The following RIPOR2 variants were observed in gnomAD, a reference collection of about 807,000 sequenced individuals.
The protein encoded by RIPOR2 is rho family-interacting cell polarization regulator 2.
A neutral mutation model predicts 114.5 loss-of-function variants in RIPOR2; 39 were observed. That is an observed-to-expected ratio of 0.34 (90% confidence interval 0.26 to 0.44). The LOEUF is 0.44. Ranked by LOEUF, RIPOR2 falls within the 20% of genes least tolerant of loss-of-function variation. The probability of loss-of-function intolerance (pLI) is 1.00; values close to 1 mark genes in which losing one functional copy is unlikely to be tolerated. For synonymous variants in RIPOR2, 445 were observed against 484.4 expected (o/e 0.92, Z 1.07); for missense variants, 1,007 against 1,255.1 (o/e 0.80, Z 2.99).
chr6:24,880,653 A>C (rs1766255398), intron 1 of RIPOR2, among the ~76,000 whole-genome samples: 1 of 152,236 alleles, frequency 6.6e-6, no homozygotes, highest in Non-Finnish European at 1.5e-5. Flanking sequence ...TGTATTTATA[A>C]AATTGTTTAT....
Position 24,976,781 on chromosome 6 carries a change from A to G in RIPOR2, c.76+65070T>C, listed in dbSNP as rs184494797. On this transcript the variant is annotated intron_variant, in intron 1 of 13. Transcript: ENST00000510784. ...GCATACAGGTCCTGAAATCTTGTCC[A>G]TGGCAAATGCTGGACCCAACACAAA... 107 of 1,611,798 alleles carry G rather than the reference A, an allele frequency of 6.6e-5. No individual in the cohort carries two copies. The East Asian group carries it at 2.3e-3, about 35-fold the overall frequency.
At chr6:25,001,315 A>C (rs55722136) in intron 1 of RIPOR2, among the ~76,000 whole-genome samples, 1 of 152,302 alleles carries the variant, frequency 6.6e-6, no homozygotes, top group Non-Finnish European at 1.5e-5. Flanking sequence ...AGGGGTTAGC[A>C]AACTTTTTCT....
intron 1 of RIPOR2, among the ~76,000 whole-genome samples, chr6:25,033,102 G>A (rs1041470208): frequency 2.6e-5 from 4 of 152,138 alleles, no homozygotes; most frequent in Non-Finnish European, 1.5e-5. Flanking sequence ...TGCTTGGGAG[G>A]CTGAGGTAGG....
intron 1 of RIPOR2, among the ~76,000 whole-genome samples, chr6:24,979,205 C>T (rs969791186): frequency 3.1e-4 from 47 of 151,868 alleles, no homozygotes; most frequent in Middle Eastern, 6.3e-3. Flanking sequence ...CTCTGCTCCA[C>T]TCCCACTGGT....
intron 1 of RIPOR2, among the ~76,000 whole-genome samples, chr6:24,951,050 C>A (rs1049289532): frequency 3.3e-5 from 5 of 152,166 alleles, no homozygotes; most frequent in Non-Finnish European, 7.4e-5. Flanking sequence ...TTTTAAAAAT[C>A]AATGACTTCA....
chr6:24,806,988 G>A (rs1219888163), intron 21 of RIPOR2, among the ~76,000 whole-genome samples: 1 of 152,188 alleles, frequency 6.6e-6, no homozygotes, highest in Non-Finnish European at 1.5e-5. Context: ...AGCTAGTTCA[G>A]TTTTGTCCGT....
chr6:25,017,448 C>T lies in RIPOR2; in HGVS notation c.76+24403G>A, dbSNP rs142555868. On this transcript the variant is annotated intron_variant, in intron 1 of 13. Transcript: ENST00000510784. ...GTTGCCTGCTTACAGGCTTTGAGTTCGCAGTTTATGCACACATTTGCTGAT... is the reference window on the plus strand; with the variant it reads ...GTTGCCTGCTTACAGGCTTTGAGTTTGCAGTTTATGCACACATTTGCTGAT... Among the ~76,000 whole-genome samples the T allele has an allele frequency of 2.0e-3, 300 of 152,322 alleles. 3 individuals are homozygous for T. The highest frequency in any genetic ancestry group is 0.018 in the East Asian group (92 of 5,182).
At chr6:24,869,871 G>A (rs547913165) in intron 5 of RIPOR2, among the ~76,000 whole-genome samples, 1 of 152,178 alleles carries the variant, frequency 6.6e-6, no homozygotes, top group African/African-American at 2.4e-5. Flanking sequence ...GCTACCGGCA[G>A]ACAGCTGCCT....
intron 1 of RIPOR2, among the ~76,000 whole-genome samples, chr6:24,914,427 G>C (rs1429907794): frequency 6.6e-6 from 1 of 152,200 alleles, no homozygotes; most frequent in Non-Finnish European, 1.5e-5. Context: ...CCAGGTGCCA[G>C]GCACTCTGCT....
chr6:24,859,510 G>A (rs1349422767), intron 8 of RIPOR2, among the ~76,000 whole-genome samples: 21 of 152,160 alleles, frequency 1.4e-4, no homozygotes, highest in Non-Finnish European at 1.5e-5. Context: ...ACTGACTCAA[G>A]TGAGGACCCA....
At chr6:24,939,191 T>C (rs1457054390), upstream of RIPOR2, among the ~76,000 whole-genome samples, 2 of 152,228 alleles carry the variant, frequency 1.3e-5, no homozygotes, top group East Asian at 3.8e-4. Flanking sequence ...GTAGAGGTAC[T>C]GAGATTTGAT....
intron 1 of RIPOR2, among the ~76,000 whole-genome samples, chr6:24,917,301 A>G (rs536300790): frequency 6.6e-6 from 1 of 152,234 alleles, no homozygotes; most frequent in East Asian, 1.9e-4. Flanking sequence ...TTTGAGAATC[A>G]GTGATCTAGA....
intron 1 of RIPOR2, among the ~76,000 whole-genome samples, chr6:24,988,687 G>GT (rs1037521273): frequency 2.0e-5 from 3 of 152,060 alleles, no homozygotes; most frequent in African/African-American, 7.2e-5. Context: ...GTGTGTGTGT[G>GT]TGTTTATCAT....
At position 24,843,488 on chromosome 6, in the gene RIPOR2, T is replaced by G. The variant is rs1431098023; in HGVS notation, c.1231A>C (p.Ser411Arg). The G allele has an allele frequency of 6.4e-7, 1 of 1,568,794 alleles. No homozygotes were observed. The highest frequency in any genetic ancestry group is 8.7e-7 in the Non-Finnish European group (1 of 1,153,606). ...AAEEKMPLSL[S>R]FSDLPNGDCA... is the part of the protein sequence containing the mutation. The stretch of plus-strand genomic sequence containing the variant: ...TCCCCGTTGGGCAGGTCACTGAAGC[T>G]GAGCGACAGTGGCATTTTCTCCTCG... Residue 411 changes from serine to arginine, a missense_variant, in exon 13 of 22, where the codon AGC becomes CGC. Ser to Arg is a moderately radical substitution (Grantham distance 110, BLOSUM62 -1). Coordinates refer to ENST00000643898, the MANE Select transcript of RIPOR2 (RefSeq NM_001286445.3).
intron 1 of RIPOR2, chr6:25,015,285 A>T (rs932125914): frequency 2.0e-5 from 3 of 152,268 alleles, no homozygotes; most frequent in Non-Finnish European, 4.4e-5. Context: ...GCAAAGTCTG[A>T]TAAGCATCGT....
intron 13 of RIPOR2, chr6:24,839,605 T>A: frequency 6.5e-7 from 1 of 1,540,278 alleles, no homozygotes; most frequent in East Asian, 2.4e-5. Flanking sequence ...TACTTCTGTT[T>A]GAAATTTTTA....
chr6:24,963,033 G>GT (rs1255402373), intron 1 of RIPOR2, among the ~76,000 whole-genome samples: 1 of 151,950 alleles, frequency 6.6e-6, no homozygotes, highest in Admixed American at 6.6e-5. Context: ...GAATGCATGT[G>GT]TTTTTTTGTT....
intron 1 of RIPOR2, among the ~76,000 whole-genome samples, chr6:25,033,165 C>T (rs376078755): frequency 7.9e-5 from 12 of 151,528 alleles, no homozygotes; most frequent in African/African-American, 2.2e-4. Flanking sequence ...CAGTGAGCCG[C>T]GACGGCGCCA....
At chr6:24,848,598 C>T (rs987179461) in intron 11 of RIPOR2, among the ~76,000 whole-genome samples, 1 of 152,224 alleles carries the variant, frequency 6.6e-6, no homozygotes, top group African/African-American at 2.4e-5. Flanking sequence ...CCATTCATTT[C>T]AGTTGACACA....
Sources: gnomAD v4.1 joint callset for allele counts (sites outside exome capture counted in the v4.1 genomes callset) on GRCh38, gnomAD v4.1.1 for gene constraint, MANE v1.5 for transcripts, NCBI Gene and HGNC (gene_info 2026-07-23, HGNC 2026-07-21) for gene names.